Variants in LONRF1 observed in about 807,000 individuals in gnomAD.
The protein encoded by LONRF1 is LON peptidase N-terminal domain and ring finger 1.
A neutral mutation model predicts 85.8 loss-of-function variants in LONRF1; 37 were observed. That is an observed-to-expected ratio of 0.43 (90% confidence interval 0.33 to 0.57). The LOEUF is 0.57. LONRF1 is among the 20% of genes least tolerant of loss of function. The pLI, the probability that LONRF1 is intolerant of heterozygous loss-of-function variation, is 0.04. For missense variants in LONRF1, 1,036 were observed against 978.0 expected (o/e 1.06, Z -0.79); for synonymous variants, 517 against 390.1 (o/e 1.33, Z -3.83).
intron 4 of LONRF1, among the ~76,000 whole-genome samples, chr8:12,737,782 T>C (rs1299620757): frequency 6.6e-6 from 1 of 152,192 alleles, no homozygotes; most frequent in Non-Finnish European, 1.5e-5. Flanking sequence ...AAAAGTTTTC[T>C]TTCACGGGAC....
At chr8:12,752,593 A>C (rs1348781758) in intron 1 of LONRF1, among the ~76,000 whole-genome samples, 2 of 152,166 alleles carry the variant, frequency 1.3e-5, no homozygotes, top group African/African-American at 2.4e-5. Context: ...CAAAATCCTC[A>C]TGTGCAATCT....
intron 2 of LONRF1, among the ~76,000 whole-genome samples, chr8:12,742,710 G>A (rs993532293): frequency 1.3e-4 from 20 of 150,626 alleles, no homozygotes; most frequent in Non-Finnish European, 2.4e-4. Context: ...AAAAAATTGT[G>A]AGATGATACT....
At position 12,736,790 on chromosome 8, in the gene LONRF1, G is replaced by A. The variant is rs770226897; in HGVS notation, c.1362C>T (p.Pro454=). Residue 454 remains proline (P), a synonymous_variant, in exon 6 of 12, where the codon CCC becomes CCT. Coordinates refer to ENST00000398246, the MANE Select transcript of LONRF1 (RefSeq NM_152271.5). Reference sequence around the variant, plus strand: ...CTAAGGAAAACATACAGACTTCATTGGGAGTTTCTATTAAAACAAAGACAT... The same window carrying A: ...CTAAGGAAAACATACAGACTTCATTAGGAGTTTCTATTAAAACAAAGACAT... ...RNKLKKQGET[P]NEVCMFSLAY... is the part of the protein sequence containing the mutation. 2.5e-6 allele frequency: 4 copies of A among 1,603,972 alleles called. No homozygotes were observed. The East Asian group carries it at 8.9e-5, about 36-fold the overall frequency.
chr8:12,725,862 C>A lies in LONRF1; in HGVS notation c.2028G>T (p.Glu676Asp). Residue 676 changes from glutamate to aspartate, a missense_variant, in exon 11 of 12, where the codon GAG (glutamate) becomes GAT (aspartate). This residue lies in a region of LONRF1 where 265 missense variants were observed against 301.5 expected (regional missense o/e 0.88). Transcript: ENST00000398246. ...CATGAAGCTCTCTGAGATTCTTAAT[C>A]TCATCTTCATTCTCAACCTAGAAAT... The part of the protein sequence containing the change: ...LEDVKVENED[E>D]IKNLRELHDL... 1.2e-6 allele frequency: 2 copies of A among 1,610,576 alleles called. No individual in the cohort carries two copies. The highest frequency in any genetic ancestry group is 1.1e-5 in the South Asian group (1 of 91,000).
rs1034287431 is a variant in LONRF1, at chr8:12,735,551, G to A, written c.1452-151C>T. On this transcript the variant is annotated intron_variant, in intron 6 of 11. Transcript: ENST00000398246. ...GAGGAGAGAAAGGGCAGTGATAAGT[G>A]TAACCATACCCTCCAGAATGTTTTA... The A allele has an allele frequency of 6.7e-6, 4 of 596,470 alleles. No homozygotes were observed. The African/African-American group carries it at 7.5e-5, about 11-fold the overall frequency. 36.9% of individuals were successfully genotyped at this position (596,470 alleles called of 1,614,324 possible). A position where few individuals can be genotyped will look rare whatever the true frequency, so the allele number is the denominator to read the frequency against.
At chr8:12,733,712 A>G (rs1798615289) in intron 7 of LONRF1, among the ~76,000 whole-genome samples, 1 of 152,208 alleles carries the variant, frequency 6.6e-6, no homozygotes, top group East Asian at 1.9e-4. Flanking sequence ...CCAACAACAA[A>G]GAAATGTTAA....
chr8:12,746,422 T>C (rs1442384731), intron 1 of LONRF1, among the ~76,000 whole-genome samples: 2 of 152,160 alleles, frequency 1.3e-5, no homozygotes, highest in African/African-American at 4.8e-5. Flanking sequence ...AGCTCCTCCC[T>C]TACCATACCA....
chr8:12,724,065 T>G (rs1343600108), intron 11 of LONRF1, among the ~76,000 whole-genome samples: 2 of 152,212 alleles, frequency 1.3e-5, no homozygotes, highest in East Asian at 3.8e-4. Flanking sequence ...CTGATCTCAG[T>G]AGGCCCCTCT....
chr8:12,749,794 T>C (rs932296898), intron 1 of LONRF1, among the ~76,000 whole-genome samples: 3 of 152,124 alleles, frequency 2.0e-5, no homozygotes, highest in South Asian at 2.1e-4. Context: ...ATTAGAGATA[T>C]AGTCTCGGTT....
Position 12,755,133 on chromosome 8 carries a change from G to A in LONRF1, c.288C>T (p.Asn96=), listed in dbSNP as rs757052868. The A allele has an allele frequency of 3.2e-5, 47 of 1,455,664 alleles. No individual in the cohort carries two copies. The highest frequency in any genetic ancestry group is 4.0e-5 in the Non-Finnish European group (44 of 1,108,240). The allele number at this position is 1,455,664 out of a possible 1,614,324, so 90.2% of individuals were successfully genotyped here. Residue 96 remains asparagine, a synonymous_variant, in exon 1 of 12, where the codon AAC becomes AAT. Transcript: ENST00000398246. ...AGCCCAGCCCGTGGCGGAGCCGGTAGTTGAACACCAGGCAGTCCACCAGGG... is the reference window on the plus strand; with the variant it reads ...AGCCCAGCCCGTGGCGGAGCCGGTAATTGAACACCAGGCAGTCCACCAGGG... The part of the protein sequence containing the change: ...LGALVDCLVF[N]YRLRHGLGWS...
At chr8:12,728,249 G>A (rs974693149) in intron 10 of LONRF1, among the ~76,000 whole-genome samples, 5 of 152,042 alleles carry the variant, frequency 3.3e-5, no homozygotes, top group African/African-American at 9.7e-5. Context: ...ACTGGGTATT[G>A]CAAACATCAA....
chr8:12,739,229 T>C (rs1798835895), intron 3 of LONRF1, among the ~76,000 whole-genome samples: 1 of 149,102 alleles, frequency 6.7e-6, no homozygotes, highest in Non-Finnish European at 1.5e-5. Context: ...CTGGAAACAA[T>C]CCAAATGAAA....
chr8:12,729,806 T>C (rs1405077165), intron 8 of LONRF1, among the ~76,000 whole-genome samples: 4 of 152,170 alleles, frequency 2.6e-5, no homozygotes, highest in African/African-American at 9.7e-5. Context: ...AACGCAAGGA[T>C]AAGAAAACAT....
At chr8:12,752,016 G>A (rs970526708) in intron 1 of LONRF1, among the ~76,000 whole-genome samples, 7 of 152,188 alleles carry the variant, frequency 4.6e-5, no homozygotes, top group African/African-American at 1.7e-4. Context: ...GGAAACTTCT[G>A]ATTTTGGCAA....
intron 2 of LONRF1, 88 bp downstream of exon 2, chr8:12,743,076 C>T (rs1420226621): frequency 1.9e-5 from 16 of 849,374 alleles, no homozygotes; most frequent in Non-Finnish European, 3.0e-5. Context: ...CAACCATCTA[C>T]TTTGTTAAAA....
chr8:12,755,234 G>GCCTCCAGC lies in LONRF1; in HGVS notation c.186_187insGCTGGAGG (p.His63AlafsTer5). 8.1e-7 allele frequency: 1 copy of GCCTCCAGC among 1,241,110 alleles called. No homozygotes were observed. The highest frequency in any genetic ancestry group is 1.6e-5 in the African/African-American group (1 of 63,620). 76.9% of individuals were successfully genotyped at this position (1,241,110 alleles called of 1,614,324 possible). A position where few individuals can be genotyped will look rare whatever the true frequency, so the allele number is the denominator to read the frequency against. ...AACGCCTCCAGCGCGCCCTTCAGGT[G>GCCTCCAGC]GCCGCCCAGCGCCAGCAGCTCCCCG... On this transcript the variant is annotated frameshift_variant, in exon 1 of 12. Coordinates refer to ENST00000398246, the MANE Select transcript of LONRF1 (RefSeq NM_152271.5). LOFTEE classifies it high-confidence loss of function.
Position 12,736,971 on chromosome 8 carries a change from C to G in LONRF1, c.1283G>C (p.Arg428Thr). Residue 428 changes from arginine (R) to threonine (T), a missense_variant, in exon 5 of 12, where the codon AGA becomes ACA. By Grantham distance (71) the Arg-to-Thr change is moderately conservative (BLOSUM62 -1). This residue lies in a region of LONRF1 where 742 missense variants were observed against 614.4 expected (regional missense o/e 1.21). Transcript: ENST00000398246. ...SVQEKGVLLK[R>T]KLSLLEQDVI... ...ATCCTGTTCTAAAAGAGACAACTTT[C>G]TTTTCAGCAGAACACCTTTTTCTTG... 1 of 1,613,504 alleles carries G rather than the reference C, an allele frequency of 6.2e-7. No homozygotes were observed. Among genetic ancestry groups the G allele is most frequent in the Non-Finnish European group, 8.5e-7 (1 of 1,179,656 alleles).
intron 7 of LONRF1, among the ~76,000 whole-genome samples, chr8:12,732,962 G>A (rs1257850781): frequency 6.6e-6 from 1 of 152,176 alleles, no homozygotes; most frequent in African/African-American, 2.4e-5. Flanking sequence ...ATCCAATGAA[G>A]AGTAGATGGG....
At position 12,751,305 on chromosome 8, in the gene LONRF1, T is replaced by TTGTTTGTTTTTTTG. The variant is rs763305176; in HGVS notation, c.721+3394_721+3395insCAAAAAAACAAACA. Reference sequence around the variant, plus strand: ...ATATTTTTATTTTTATGTTTTTTTTTTTTTTTTTTTTTTTTGAGACTGAGT... The same window carrying TTGTTTGTTTTTTTG: ...ATATTTTTATTTTTATGTTTTTTTTTTGTTTGTTTTTTTGTTTTTTTTTTTTTTTGAGACTGAGT... On this transcript the variant is annotated intron_variant, in intron 1 of 11. Transcript: ENST00000398246. Among the ~76,000 whole-genome samples the TTGTTTGTTTTTTTG allele has an allele frequency of 6.9e-4, 48 of 69,718 alleles. 1 individual carries two copies. Among genetic ancestry groups the TTGTTTGTTTTTTTG allele is most frequent in the African/African-American group, 1.6e-3 (47 of 29,936 alleles). 45.7% of individuals were successfully genotyped at this position (69,718 alleles called of 152,430 possible). A position where few individuals can be genotyped will look rare whatever the true frequency, so the allele number is the denominator to read the frequency against.
Sources: gnomAD v4.1 joint callset for allele counts (sites outside exome capture counted in the v4.1 genomes callset) on GRCh38, gnomAD v4.1.1 for gene constraint, gnomAD v4.1.1 regional missense constraint, MANE v1.5 for transcripts, NCBI Gene and HGNC (gene_info 2026-07-23, HGNC 2026-07-21) for gene names.